Variants in CAMK1D observed in about 807,000 individuals in gnomAD.
CAMK1D encodes the protein calcium/calmodulin-dependent protein kinase type 1D.
In CAMK1D, 9 loss-of-function variants were observed where a neutral mutation model predicts 47.7. The ratio of observed to expected loss-of-function variants is 0.19; its 90% CI spans 0.11 to 0.33. The LOEUF is 0.33. CAMK1D is among the 10% of genes least tolerant of loss of function. CAMK1D has a pLI of 1.00. For synonymous variants in CAMK1D, 184 were observed against 184.9 expected (o/e 0.99, Z 0.04); for missense variants, 291 against 488.7 (o/e 0.60, Z 3.81).
At chr10:12,557,551 C>CAAAAAAAAAAAAA (rs5783273) in intron 2 of CAMK1D, among the ~76,000 whole-genome samples, 1 of 84,426 alleles carries the variant, frequency 1.2e-5, no homozygotes, top group East Asian at 2.9e-4. Flanking sequence ...GACTCCATCT[C>CAAAAAAAAAAAAA]AAAAAAAAAA....
intron 2 of CAMK1D, among the ~76,000 whole-genome samples, chr10:12,637,021 G>A (rs528061450): frequency 6.6e-6 from 1 of 151,998 alleles, no homozygotes; most frequent in African/African-American, 2.4e-5. Context: ...ATCCAGGCTG[G>A]AGTACAGTGC....
At chr10:12,570,368 C>T (rs74540745) in intron 2 of CAMK1D, among the ~76,000 whole-genome samples, 2,639 of 151,848 alleles carry the variant, frequency 0.017, 78 homozygotes, top group African/African-American at 0.06. Flanking sequence ...TTTTCCTCCT[C>T]TTCATTTACC....
At chr10:12,709,486 A>T (rs956595801) in intron 3 of CAMK1D, among the ~76,000 whole-genome samples, 1 of 152,244 alleles carries the variant, frequency 6.6e-6, no homozygotes, top group African/African-American at 2.4e-5. Context: ...AACTGAATGC[A>T]TTCTGAAATC....
intron 1 of CAMK1D, among the ~76,000 whole-genome samples, chr10:12,420,213 C>T (rs1265247493): frequency 1.3e-5 from 2 of 152,188 alleles, no homozygotes; most frequent in Non-Finnish European, 2.9e-5. Context: ...CCGTCTCGGC[C>T]TCCCAAAGTG....
At chr10:12,459,593 G>T (rs1347702309) in intron 1 of CAMK1D, among the ~76,000 whole-genome samples, 3 of 152,136 alleles carry the variant, frequency 2.0e-5, no homozygotes, top group Non-Finnish European at 4.4e-5. Context: ...GAATCCCAGG[G>T]CGATAGCTCC....
intron 10 of CAMK1D, among the ~76,000 whole-genome samples, chr10:12,827,307 T>TTTC (rs1564593705): frequency 1.3e-4 from 14 of 108,736 alleles, no homozygotes; most frequent in Admixed American, 2.1e-4. Context: ...TTCTCTCTCT[T>TTTC]TTTCTTTTCT....
At chr10:12,387,104 T>G (rs1564306556) in intron 1 of CAMK1D, among the ~76,000 whole-genome samples, 1 of 149,574 alleles carries the variant, frequency 6.7e-6, no homozygotes, top group South Asian at 2.1e-4. Context: ...CTCAGGAGGG[T>G]GAGGCAGGAG....
chr10:12,804,771 CAAAAA>C (rs569089576), intron 6 of CAMK1D, among the ~76,000 whole-genome samples: 1 of 126,268 alleles, frequency 7.9e-6, no homozygotes. Flanking sequence ...CTGTCTGTAC[CAAAAA>C]AAAAAAAAAA....
chr10:12,752,565 T>C (rs4626971), intron 3 of CAMK1D, among the ~76,000 whole-genome samples: 57,006 of 151,932 alleles, frequency 0.38, 10,978 homozygotes, highest in African/African-American at 0.47. Flanking sequence ...TAACAAGCTG[T>C]ACTTGTACCC....
intron 4 of CAMK1D, among the ~76,000 whole-genome samples, chr10:12,766,428 A>C (rs1836769128): frequency 7.0e-6 from 1 of 141,972 alleles, no homozygotes; most frequent in South Asian, 2.2e-4. Context: ...AGTGGCGTAC[A>C]CGTGGCTGAC....
intron 6 of CAMK1D, among the ~76,000 whole-genome samples, chr10:12,805,075 A>G (rs1309620367): frequency 6.6e-6 from 1 of 151,928 alleles, no homozygotes; most frequent in African/African-American, 2.4e-5. Flanking sequence ...CCTGGCCAAC[A>G]TGGTGAAACC....
intron 3 of CAMK1D, among the ~76,000 whole-genome samples, chr10:12,694,047 A>T (rs1260388999): frequency 1.5e-5 from 1 of 65,090 alleles, no homozygotes; most frequent in Non-Finnish European, 2.5e-5. Flanking sequence ...TATACATATA[A>T]TATATATTAT....
chr10:12,513,613 A>C (rs1588573957), intron 1 of CAMK1D, among the ~76,000 whole-genome samples: 1 of 152,124 alleles, frequency 6.6e-6, no homozygotes, highest in East Asian at 1.9e-4. Flanking sequence ...TGGTGAAACT[A>C]CGTCTCTACA....
At chr10:12,766,783 A>T (rs568577340) in intron 4 of CAMK1D, among the ~76,000 whole-genome samples, 5 of 152,120 alleles carry the variant, frequency 3.3e-5, no homozygotes, top group African/African-American at 1.2e-4. Flanking sequence ...ACTTGATCAG[A>T]TACCCGTGGT....
At chr10:12,407,085 A>G (rs921350565) in intron 1 of CAMK1D, among the ~76,000 whole-genome samples, 4 of 152,036 alleles carry the variant, frequency 2.6e-5, no homozygotes, top group East Asian at 3.9e-4. Flanking sequence ...CCTGCTGCCT[A>G]TCACCCTCCT....
At chr10:12,404,004 A>G (rs1036770059) in intron 1 of CAMK1D, among the ~76,000 whole-genome samples, 1 of 150,042 alleles carries the variant, frequency 6.7e-6, no homozygotes, top group African/African-American at 2.4e-5. Flanking sequence ...AAGAAAAAAG[A>G]TAAAAGAGAC....
At chr10:12,524,460 T>C (rs2768454) in intron 1 of CAMK1D, among the ~76,000 whole-genome samples, 83,765 of 151,748 alleles carry the variant, frequency 0.55, 23,190 homozygotes, top group South Asian at 0.69. Context: ...GTAATCCCAG[T>C]ACTTTGGGAG....
chr10:12,523,857 C>T (rs910179603), intron 1 of CAMK1D, among the ~76,000 whole-genome samples: 14 of 152,120 alleles, frequency 9.2e-5, no homozygotes, highest in African/African-American at 2.9e-4. Context: ...CTCTTTCTTT[C>T]GTGGTGTTTA....
chr10:12,664,315 T>C (rs1222364378), intron 2 of CAMK1D, among the ~76,000 whole-genome samples: 2 of 152,216 alleles, frequency 1.3e-5, no homozygotes, highest in Admixed American at 1.3e-4. Context: ...AAAGTGTCTT[T>C]CCAGCCACTG....
Sources: allele counts gnomAD v4.1 joint callset (sites outside exome capture counted in the v4.1 genomes callset), GRCh38; gene constraint gnomAD v4.1.1; transcripts MANE v1.5; gene names NCBI Gene and HGNC (gene_info 2026-07-23, HGNC 2026-07-21).